The following CHD8 variants were observed in gnomAD, a reference collection of about 807,000 sequenced individuals.
CHD8 encodes the protein ATP-dependent chromatin remodeler CHD8.
In CHD8, 31 loss-of-function variants were observed where a neutral mutation model predicts 279.2. The ratio of observed to expected loss-of-function variants is 0.11; its 90% CI spans 0.08 to 0.15. The LOEUF (loss-of-function observed/expected upper bound fraction) is 0.15. CHD8 is among the 10% of genes least tolerant of loss of function. CHD8 has a pLI of 1.00. For synonymous variants in CHD8, 1,081 were observed against 1,139.6 expected (o/e 0.95, Z 1.04); for missense variants, 2,146 against 3,230.5 (o/e 0.66, Z 8.14).
rs1430074990 is a variant in CHD8 at position 21,434,101 on chromosome 14, A to G, written c.-215-2243T>C. 4.8e-5 allele frequency among the ~76,000 whole-genome samples: 7 copies of G among 146,266 alleles called. No individual in the cohort carries two copies. The Admixed American group carries it at 4.9e-4, about 10-fold the overall frequency. ...ACTCTTGTCGCCCAGGCTGGAGTGCAATGGCGCGATCTCGGCTCACCGCAA... is the reference window on the plus strand; with the variant it reads ...ACTCTTGTCGCCCAGGCTGGAGTGCGATGGCGCGATCTCGGCTCACCGCAA... On this transcript the variant is annotated intron_variant, in intron 1 of 37. Transcript: ENST00000646647.
chr14:21,427,236 C>T (rs1889358577), intron 4 of CHD8: 1 of 194,868 alleles, frequency 5.1e-6, no homozygotes, highest in South Asian at 1.3e-4. Context: ...GAGTGCTCTG[C>T]CCTCAAATGT....
intron 1 of CHD8, among the ~76,000 whole-genome samples, chr14:21,433,701 G>A (rs150048557): frequency 1.3e-3 from 192 of 152,250 alleles, no homozygotes; most frequent in African/African-American, 4.4e-3. Context: ...TGTTAAACAA[G>A]ATCGTCCTTG....
chr14:21,432,520 T>C (rs552680001), intron 1 of CHD8, among the ~76,000 whole-genome samples: 1 of 152,346 alleles, frequency 6.6e-6, no homozygotes, highest in Admixed American at 6.5e-5. Context: ...TTCAACATTG[T>C]TTCCAATTTA....
intron 5 of CHD8, among the ~76,000 whole-genome samples, chr14:21,419,182 C>T (rs1594364679): frequency 6.6e-6 from 1 of 151,984 alleles, no homozygotes; most frequent in East Asian, 1.9e-4. Context: ...TTATCACATC[C>T]ATCATATAGT....
At chr14:21,439,288 C>T (rs1566452449) in intron 1 of CHD8, among the ~76,000 whole-genome samples, 1 of 152,168 alleles carries the variant, frequency 6.6e-6, no homozygotes, top group Non-Finnish European at 1.5e-5. Context: ...TTACCACTGT[C>T]GCTAAAAACA....
In CHD8 at chr14:21,449,182, T is replaced by TAAATA. The variant is rs573528596; in HGVS notation, c.-216+6845_-216+6849dup. On this transcript the variant is annotated intron_variant, in intron 1 of 37. Coordinates refer to ENST00000646647, the MANE Select transcript of CHD8 (RefSeq NM_001170629.2). ...GAGCGAGACTTCATCGCAAAATAAA[T>TAAATA]AAATAAAATAAAATAAAAGGAGGTT... Among the ~76,000 whole-genome samples the TAAATA allele has an allele frequency of 1.8e-4, 27 of 151,808 alleles. No homozygotes were observed. In the South Asian group the frequency reaches 5.0e-3, roughly 28 times the overall value.
At chr14:21,417,347 C>A (rs540898069) in intron 5 of CHD8, among the ~76,000 whole-genome samples, 13 of 152,182 alleles carry the variant, frequency 8.5e-5, no homozygotes, top group African/African-American at 3.1e-4. Flanking sequence ...CAGAAAAAAC[C>A]TAAAGGCCCA....
chr14:21,399,578 AG>A, intron 26 of CHD8, 23 bp downstream of exon 26: 1 of 1,503,954 alleles, frequency 6.6e-7, no homozygotes, highest in Non-Finnish European at 9.3e-7. Flanking sequence ...GTCGGAAAGG[AG>A]TAGAATAGGA....
intron 27 of CHD8, among the ~76,000 whole-genome samples, chr14:21,396,329 CAG>C (rs1887782487): frequency 6.6e-6 from 1 of 151,420 alleles, no homozygotes; most frequent in South Asian, 2.1e-4. Context: ...TTCTTTGACA[CAG>C]AGTCTCACTC....
chr14:21,418,255 C>T (rs560799796), intron 5 of CHD8, among the ~76,000 whole-genome samples: 1 of 152,264 alleles, frequency 6.6e-6, no homozygotes, highest in South Asian at 2.1e-4. Flanking sequence ...CGGTGGATCA[C>T]GCCTGTAATC....
In CHD8 at chr14:21,401,081, G is replaced by T; in HGVS notation, c.4174-10C>A. On this transcript the variant is annotated splice_polypyrimidine_tract_variant and intron_variant, in intron 21 of 37. Transcript: ENST00000646647. ...CAATTACCAAATTATTCTATGAAGA[G>T]AACAGAAGGAGAAGTAATTCTCTTC... The T allele has an allele frequency of 6.3e-7, 1 of 1,576,902 alleles. No individual in the cohort carries two copies. Among genetic ancestry groups the T allele is most frequent in the Non-Finnish European group, 8.6e-7 (1 of 1,159,768 alleles).
chr14:21,401,178 C>CA (rs1888016959), intron 21 of CHD8, 107 bp from the exon 22 acceptor site: 3 of 956,106 alleles, frequency 3.1e-6, no homozygotes, highest in Non-Finnish European at 4.5e-6. Context: ...TGTAGATACT[C>CA]AGAGATTTTT....
Position 21,400,243 on chromosome 14 carries a change from A to G in CHD8, c.4635T>C (p.Asp1545=). ...TCCGGATCCAATCTGCCTTATGGATATCAAAAGTGCTTTGTGACTTTACTT... is the reference window on the plus strand; with the variant it reads ...TCCGGATCCAATCTGCCTTATGGATGTCAAAAGTGCTTTGTGACTTTACTT... The part of the protein sequence containing the change: ...GKKVKSQSTF[D]IHKADWIRKY... Residue 1545 remains aspartate, a synonymous_variant, in exon 24 of 38, where the codon GAT becomes GAC. Coordinates refer to ENST00000646647, the MANE Select transcript of CHD8 (RefSeq NM_001170629.2). The surrounding 1 kb of genome is among the most constrained non-coding windows in gnomAD (Gnocchi z 4.2). 2 of 1,613,996 alleles carry G rather than the reference A, an allele frequency of 1.2e-6. No homozygotes were observed. Among genetic ancestry groups the G allele is most frequent in the East Asian group, 2.2e-5 (1 of 44,874 alleles).
intron 37 of CHD8, among the ~76,000 whole-genome samples, chr14:21,387,936 G>C (rs531335267): frequency 2.6e-5 from 4 of 152,150 alleles, no homozygotes; most frequent in African/African-American, 7.2e-5. Context: ...GTAAAAATAG[G>C]TAACAGTGAA....
rs551653039 is a variant in CHD8, at chr14:21,385,887, A to G, written c.7472T>C (p.Met2491Thr). 6.3e-5 allele frequency: 98 copies of G among 1,551,546 alleles called. No homozygotes were observed. In the African/African-American group the frequency reaches 1.1e-3, roughly 18 times the overall value. Residue 2491 changes from methionine (M) to threonine (T), a missense_variant, in exon 38 of 38, where the codon ATG becomes ACG. By Grantham distance (81) the Met-to-Thr change is moderately conservative. Around this residue, in one of 26 missense-constraint regions of CHD8, gnomAD observed 336 missense variants for 392.9 expected, o/e 0.86. Coordinates refer to ENST00000646647, the MANE Select transcript of CHD8 (RefSeq NM_001170629.2). ...PSSPHVDSSTMLHHHHHHPHP... is the reference protein window; with the variant it reads ...PSSPHVDSSTTLHHHHHHPHP... ...GGGGTGGTGGTGGTGGTGATGAAGC[A>G]TGGTGCTGGAGTCTACATGAGGGGA...
chr14:21,401,185 T>C, intron 21 of CHD8, 114 bp from the exon 22 acceptor site: 1 of 935,988 alleles, frequency 1.1e-6, no homozygotes, highest in Non-Finnish European at 1.6e-6. Flanking sequence ...ACTCAGAGAT[T>C]TTTTTAAATG....
intron 16 of CHD8, chr14:21,404,836 ATTTAC>A (rs1442254975): frequency 5.5e-6 from 1 of 181,150 alleles, no homozygotes; most frequent in Non-Finnish European, 1.2e-5. Context: ...AATTGTTTTT[ATTTAC>A]TTTATTTGGA....
chr14:21,429,070 G>A lies in CHD8; in HGVS notation c.1109C>T (p.Thr370Ile). 2.5e-6 allele frequency: 4 copies of A among 1,614,022 alleles called. No homozygotes were observed. Among genetic ancestry groups the A allele is most frequent in the Non-Finnish European group, 3.4e-6 (4 of 1,179,896 alleles). ...SQPQPQQPPS[T>I]QPVTLSSVQQ... is the part of the protein sequence containing the mutation. ...TACAGAGGACAGAGTCACTGGCTGG[G>A]TGGAGGGTGGCTGCTGGGGCTGTGG... The change falls in exon 3 of 38, where the codon ACC (threonine) becomes ATC (isoleucine). Residue 370 changes from threonine (T) to isoleucine (I), a missense_variant. Around this residue, in one of 26 missense-constraint regions of CHD8, gnomAD observed 170 missense variants for 189.9 expected, o/e 0.90. Coordinates refer to ENST00000646647, the MANE Select transcript of CHD8 (RefSeq NM_001170629.2).
chr14:21,392,384 GCT>G lies in CHD8; in HGVS notation c.6771+121_6771+122del, dbSNP rs1887587547. The G allele has an allele frequency of 1.9e-5, 18 of 965,134 alleles. 1 individual carries two copies. The highest frequency in any genetic ancestry group is 4.7e-5 in the South Asian group (3 of 63,610). The allele number at this position is 965,134 out of a possible 1,614,324, so 59.8% of individuals were successfully genotyped here. On this transcript the variant is annotated intron_variant, in intron 34 of 37. Coordinates refer to ENST00000646647, the MANE Select transcript of CHD8 (RefSeq NM_001170629.2). ...ATTCTTCCTAAATGGATCTTTGTAA[GCT>G]CTGTTTTCTCATTTTTAAAATTAGC...
Sources: allele counts gnomAD v4.1 joint callset (sites outside exome capture counted in the v4.1 genomes callset), GRCh38; gene constraint gnomAD v4.1.1; regional missense constraint gnomAD v4.1.1; non-coding constraint Gnocchi (gnomAD v3.1); transcripts MANE v1.5; gene names NCBI Gene and HGNC (gene_info 2026-07-23, HGNC 2026-07-21).